Variants in LRRC7 observed in about 807,000 individuals in gnomAD.
LRRC7 encodes the protein leucine rich repeat containing 7.
LRRC7 carries 23 observed loss-of-function variants against 175.7 expected under a neutral mutation model. The observed-to-expected ratio is 0.13, with a 90% CI of 0.09 to 0.19. The LOEUF is 0.19. Ranked by LOEUF, LRRC7 falls within the 10% of genes least tolerant of loss-of-function variation. The pLI, the probability that LRRC7 is intolerant of heterozygous loss-of-function variation, is 1.00. For missense variants in LRRC7, 1,354 were observed against 1,904.7 expected, an observed-to-expected ratio of 0.71 and a Z score of 5.38; for synonymous variants, 685 against 680.9, an observed-to-expected ratio of 1.01 and a Z score of -0.09.
chr1:69,925,747 C>G (rs1025346794), intron 7 of LRRC7, among the ~76,000 whole-genome samples: 1 of 151,994 alleles, frequency 6.6e-6, no homozygotes, highest in African/African-American at 2.4e-5. Context: ...TTGCAAAAAA[C>G]CAGCTCCTGG....
chr1:69,811,839 C>T (rs1203771894), intron 4 of LRRC7, among the ~76,000 whole-genome samples: 3 of 152,108 alleles, frequency 2.0e-5, no homozygotes, highest in Non-Finnish European at 4.4e-5. Flanking sequence ...TTGATGGGTG[C>T]AGCAAACCAC....
At chr1:69,781,682 A>G (rs1424980908) in intron 3 of LRRC7, among the ~76,000 whole-genome samples, 3 of 94,554 alleles carry the variant, frequency 3.2e-5, no homozygotes, top group Admixed American at 2.2e-4. Flanking sequence ...ACTGTCTCAA[A>G]AAAAAGAAGA....
chr1:69,677,867 T>G (rs1659991153), intron 1 of LRRC7, among the ~76,000 whole-genome samples: 1 of 152,036 alleles, frequency 6.6e-6, no homozygotes, highest in Non-Finnish European at 1.5e-5. Flanking sequence ...GCTGATAAAT[T>G]TGGTTCCTTG....
chr1:69,600,390 G>A (rs1647005786), intron 1 of LRRC7, among the ~76,000 whole-genome samples: 1 of 152,098 alleles, frequency 6.6e-6, no homozygotes, highest in Admixed American at 6.5e-5. Context: ...GGTTTTCAAT[G>A]TTGCTTATTT....
intron 2 of LRRC7, among the ~76,000 whole-genome samples, chr1:69,701,485 A>G (rs1029845319): frequency 1.3e-5 from 2 of 152,200 alleles, no homozygotes; most frequent in Non-Finnish European, 2.9e-5. Flanking sequence ...ATAGGACAGA[A>G]GACATTTTCA....
chr1:70,119,529 A>C (rs554470943), intron 26 of LRRC7, among the ~76,000 whole-genome samples: 35 of 152,140 alleles, frequency 2.3e-4, no homozygotes, highest in African/African-American at 8.4e-4. Context: ...TTAAAAAAAA[A>C]AAATGCTTAA....
intron 2 of LRRC7, among the ~76,000 whole-genome samples, chr1:69,720,535 G>A (rs934407473): frequency 6.6e-6 from 1 of 151,448 alleles, no homozygotes; most frequent in Admixed American, 6.6e-5. Flanking sequence ...CATTTCTTTT[G>A]CATATCTGTG....
At chr1:69,714,221 A>G (rs1467974535) in intron 2 of LRRC7, among the ~76,000 whole-genome samples, 2 of 152,148 alleles carry the variant, frequency 1.3e-5, no homozygotes, top group African/African-American at 4.8e-5. Flanking sequence ...TTCCAACAAT[A>G]TCTAGTCTCC....
chr1:70,083,237 ACT>A (rs1663359357), intron 24 of LRRC7, among the ~76,000 whole-genome samples: 1 of 152,184 alleles, frequency 6.6e-6, no homozygotes, highest in African/African-American at 2.4e-5. Flanking sequence ...TTTTATAATC[ACT>A]GTTTCCTTTT....
chr1:70,115,213 A>G (rs1298944295), intron 26 of LRRC7, among the ~76,000 whole-genome samples: 4 of 152,254 alleles, frequency 2.6e-5, no homozygotes, highest in Non-Finnish European at 4.4e-5. Context: ...ATCCTTGACT[A>G]CAAAGATCAA....
chr1:69,910,489 C>T (rs924753781), intron 7 of LRRC7, among the ~76,000 whole-genome samples: 1 of 152,182 alleles, frequency 6.6e-6, no homozygotes, highest in Non-Finnish European at 1.5e-5. Context: ...GCGGTGGCTG[C>T]AGAACAGCGG....
chr1:69,700,469 T>C (rs771657787), intron 2 of LRRC7, among the ~76,000 whole-genome samples: 1 of 152,246 alleles, frequency 6.6e-6, no homozygotes, highest in African/African-American at 2.4e-5. Flanking sequence ...GTAATACTTA[T>C]AGTATCCTGT....
At position 70,143,003 on chromosome 1, in the gene LRRC7, A is replaced by C. The variant is rs1667128798; in HGVS notation, c.*21116A>C. On this transcript the variant is annotated 3_prime_UTR_variant, in exon 27 of 27. Transcript: ENST00000651989. ...GGGCATAATCCTTTTACTACTCTAT[A>C]AAGAAGTTCTACTTCTACCTATATG... The C allele has an allele frequency of 6.6e-6, 1 of 152,112 alleles. No individual in the cohort carries two copies. The highest frequency in any genetic ancestry group is 2.1e-4 in the South Asian group (1 of 4,826). 9.4% of individuals were successfully genotyped at this position (152,112 alleles called of 1,614,324 possible).
chr1:69,909,827 G>T (rs1329875640), intron 7 of LRRC7, among the ~76,000 whole-genome samples: 2 of 152,080 alleles, frequency 1.3e-5, no homozygotes, highest in African/African-American at 4.8e-5. Context: ...TGCCTTGCTA[G>T]ATTGGGGATG....
rs955198292 is a variant in LRRC7, at chr1:70,128,652, T to A, written c.*6765T>A. 6.6e-6 allele frequency: 1 copy of A among 152,172 alleles called. No homozygotes were observed. The highest frequency in any genetic ancestry group is 6.5e-5 in the Admixed American group (1 of 15,276). 9.4% of individuals were successfully genotyped at this position (152,172 alleles called of 1,614,324 possible). ...ACAAAAACATTAAATATTATGATTA[T>A]AAATATTAAAATAAATATTTGTTGG... On this transcript the variant is annotated 3_prime_UTR_variant, in exon 27 of 27. Coordinates refer to ENST00000651989, the MANE Select transcript of LRRC7 (RefSeq NM_001370785.2).
At chr1:69,893,934 A>T (rs1370931923) in intron 7 of LRRC7, among the ~76,000 whole-genome samples, 1 of 152,160 alleles carries the variant, frequency 6.6e-6, no homozygotes, top group Non-Finnish European at 1.5e-5. Flanking sequence ...ACTGTGCAGG[A>T]TGCAAGGAGA....
intron 2 of LRRC7, among the ~76,000 whole-genome samples, chr1:69,708,053 CA>C (rs761469303): frequency 6.6e-5 from 10 of 152,140 alleles, no homozygotes; most frequent in Admixed American, 1.3e-4. Context: ...TAAAATTGGT[CA>C]GAGCTTCACC....
At chr1:69,982,147 T>A (rs1653500783) in intron 9 of LRRC7, among the ~76,000 whole-genome samples, 2 of 152,240 alleles carry the variant, frequency 1.3e-5, no homozygotes, top group Admixed American at 1.3e-4. Flanking sequence ...TCAATAAGTT[T>A]GTTATTTAAG....
chr1:69,967,079 G>T (rs950939998), intron 8 of LRRC7, among the ~76,000 whole-genome samples: 4 of 152,134 alleles, frequency 2.6e-5, no homozygotes, highest in African/African-American at 9.7e-5. Context: ...CTCGCCCACT[G>T]CCTGGAAACA....
Sources: allele counts gnomAD v4.1 joint callset (sites outside exome capture counted in the v4.1 genomes callset), GRCh38; gene constraint gnomAD v4.1.1; transcripts MANE v1.5; gene names NCBI Gene and HGNC (gene_info 2026-07-23, HGNC 2026-07-21).